ATE1: variants seen among roughly 807,000 people sequenced by gnomAD.
The protein encoded by ATE1 is arginyltransferase 1, also known as arginyl-tRNA--protein transferase 1.
ATE1 carries 36 observed loss-of-function variants against 70.5 expected under a neutral mutation model. The observed-to-expected ratio is 0.51, with a 90% CI of 0.39 to 0.67. ATE1 has a LOEUF of 0.67. ATE1 is among the 30% of genes least tolerant of loss of function. ATE1 has a pLI of 0.00. For synonymous variants in ATE1, 232 were observed against 219.3 expected (o/e 1.06, Z -0.51); for missense variants, 593 against 629.5 (o/e 0.94, Z 0.62).
intron 11 of ATE1, among the ~76,000 whole-genome samples, chr10:121,768,075 C>T (rs1250295267): frequency 6.6e-6 from 1 of 152,056 alleles, no homozygotes; most frequent in Non-Finnish European, 1.5e-5. Context: ...AGAAATTATG[C>T]TAAGTGAAAT....
intron 11 of ATE1, among the ~76,000 whole-genome samples, chr10:121,762,905 T>C (rs1055269658): frequency 1.3e-5 from 2 of 152,258 alleles, no homozygotes; most frequent in African/African-American, 4.8e-5. Flanking sequence ...CTCTTGTTTA[T>C]ATCAATTAAA....
intron 7 of ATE1, among the ~76,000 whole-genome samples, chr10:121,873,965 A>G (rs1307369254): frequency 2.6e-5 from 4 of 152,164 alleles, no homozygotes; most frequent in African/African-American, 9.7e-5. Flanking sequence ...ATAACTAGTC[A>G]TATCAAATAT....
At chr10:121,793,257 G>C (rs1035262432) in intron 10 of ATE1, among the ~76,000 whole-genome samples, 1 of 152,270 alleles carries the variant, frequency 6.6e-6, no homozygotes, top group Non-Finnish European at 1.5e-5. Flanking sequence ...ATTTTAAAAA[G>C]ACGGAAGAAA....
chr10:121,750,111 G>A (rs1590205623), intron 11 of ATE1, among the ~76,000 whole-genome samples: 1 of 151,886 alleles, frequency 6.6e-6, no homozygotes, highest in East Asian at 1.9e-4. Flanking sequence ...TATACTAAAG[G>A]AAAAAAGGTA....
intron 11 of ATE1, among the ~76,000 whole-genome samples, chr10:121,756,106 C>T (rs1944788194): frequency 2.0e-5 from 3 of 152,132 alleles, no homozygotes; most frequent in South Asian, 2.1e-4. Context: ...TAAATATAGC[C>T]GTTCCAAATG....
At chr10:121,881,799 C>CTTTGT (rs1348125723) in intron 7 of ATE1, among the ~76,000 whole-genome samples, 3 of 150,280 alleles carry the variant, frequency 2.0e-5, no homozygotes, top group Admixed American at 6.6e-5. Flanking sequence ...TTTTGTTTTG[C>CTTTGT]TTTGTTTTGT....
intron 10 of ATE1, among the ~76,000 whole-genome samples, chr10:121,816,731 C>T (rs1947559166): frequency 6.6e-6 from 1 of 152,182 alleles, no homozygotes; most frequent in African/African-American, 2.4e-5. Flanking sequence ...ATTACCCAGT[C>T]TCAGGTATTT....
intron 10 of ATE1, among the ~76,000 whole-genome samples, chr10:121,815,302 A>AT (rs1248260457): frequency 6.6e-6 from 1 of 150,500 alleles, no homozygotes; most frequent in African/African-American, 2.4e-5. Context: ...CGCCCGGCTA[A>AT]TTTTTTTGTA....
chr10:121,836,849 A>G, intron 9 of ATE1, 32 bp from the exon 10 acceptor site: 1 of 1,367,188 alleles, frequency 7.3e-7, no homozygotes, highest in Non-Finnish European at 1.0e-6. Context: ...AGCTGAAGGC[A>G]GTTAATTCTG....
intron 7 of ATE1, among the ~76,000 whole-genome samples, chr10:121,886,309 C>A (rs527433132): frequency 1.2e-4 from 17 of 140,162 alleles, no homozygotes; most frequent in Admixed American, 4.3e-4. Flanking sequence ...AAAAAAAAAA[C>A]CCACCTCCTG....
upstream of ATE1, chr10:121,928,036 G>A (rs1952178513): frequency 4.0e-6 from 5 of 1,254,678 alleles, no homozygotes; most frequent in Non-Finnish European, 4.0e-6. Flanking sequence ...CGCGCCGCCC[G>A]GGAGCCTCCC....
At chr10:121,746,826 G>A (rs1590200013) in intron 11 of ATE1, among the ~76,000 whole-genome samples, 3 of 151,938 alleles carry the variant, frequency 2.0e-5, no homozygotes, top group South Asian at 4.1e-4. Flanking sequence ...AATTAATCAG[G>A]AGAAATCATC....
intron 8 of ATE1, among the ~76,000 whole-genome samples, chr10:121,863,569 A>G (rs375574435): frequency 3.3e-5 from 5 of 152,082 alleles, no homozygotes; most frequent in African/African-American, 1.2e-4. Context: ...GTCTACTTTG[A>G]TAAGAATACA....
At chr10:121,765,878 T>C (rs904395614) in intron 11 of ATE1, among the ~76,000 whole-genome samples, 1 of 152,116 alleles carries the variant, frequency 6.6e-6, no homozygotes, top group Non-Finnish European at 1.5e-5. Context: ...CTGTGGGGGC[T>C]AAAAAAACCA....
At chr10:121,814,261 T>G (rs545547042) in intron 10 of ATE1, among the ~76,000 whole-genome samples, 2 of 152,284 alleles carry the variant, frequency 1.3e-5, no homozygotes, top group South Asian at 4.1e-4. Flanking sequence ...TGGGCAATGG[T>G]GTGTCTAAAG....
chr10:121,910,571 CTT>C (rs1414642854), intron 5 of ATE1, among the ~76,000 whole-genome samples: 1 of 152,138 alleles, frequency 6.6e-6, no homozygotes, highest in African/African-American at 2.4e-5. Flanking sequence ...TGTTGTCTCA[CTT>C]AATGTTAAAA....
intron 11 of ATE1, among the ~76,000 whole-genome samples, chr10:121,751,759 C>T (rs1944587084): frequency 1.3e-5 from 2 of 152,108 alleles, no homozygotes; most frequent in Admixed American, 1.3e-4. Flanking sequence ...GAATTATCTT[C>T]ACACCTTCTT....
chr10:121,837,650 CA>C (rs1399801276), intron 9 of ATE1, among the ~76,000 whole-genome samples: 4 of 152,098 alleles, frequency 2.6e-5, no homozygotes, highest in Admixed American at 2.6e-4. Context: ...ATTTGTAATG[CA>C]ATATTCTGTG....
chr10:121,867,895 T>A (rs921496092), intron 8 of ATE1, among the ~76,000 whole-genome samples: 13 of 152,244 alleles, frequency 8.5e-5, no homozygotes, highest in African/African-American at 3.1e-4. Context: ...CGTGTTCCTG[T>A]TGTACATTTA....
Sources: gnomAD v4.1 joint callset for allele counts (sites outside exome capture counted in the v4.1 genomes callset) on GRCh38, gnomAD v4.1.1 for gene constraint, MANE v1.5 for transcripts, NCBI Gene and HGNC (gene_info 2026-07-23, HGNC 2026-07-21) for gene names.